VPS13B: variants seen among roughly 807,000 people sequenced by gnomAD.
VPS13B encodes the protein vacuolar protein sorting 13 homolog B, also known as intermembrane lipid transfer protein VPS13B.
VPS13B carries 285 observed loss-of-function variants against 426.4 expected under a neutral mutation model. The ratio of observed to expected loss-of-function variants is 0.67; its 90% CI spans 0.61 to 0.74. The LOEUF (loss-of-function observed/expected upper bound fraction) is 0.74. Among genes scored for constraint, VPS13B ranks in the 30% least tolerant of loss-of-function variants. The probability of loss-of-function intolerance (pLI) is 0.00; values close to 1 mark genes in which losing one functional copy is unlikely to be tolerated. For synonymous variants in VPS13B, 1,676 were observed against 1,676.4 expected (o/e 1.00, Z 0.01); for missense variants, 4,537 against 4,782.6 (o/e 0.95, Z 1.51).
chr8:99,371,525 C>A (rs1813178585), intron 19 of VPS13B, among the ~76,000 whole-genome samples: 1 of 152,272 alleles, frequency 6.6e-6, no homozygotes, highest in Admixed American at 6.5e-5. Context: ...AGCGTGATGC[C>A]TCCAGCTTTG....
intron 2 of VPS13B, among the ~76,000 whole-genome samples, chr8:99,028,582 T>C (rs1221485015): frequency 2.9e-4 from 15 of 51,184 alleles, no homozygotes; most frequent in East Asian, 7.0e-4. Context: ...CTGACCCCCC[T>C]CCCCCCTCCC....
chr8:99,662,606 C>A (rs1004744635), intron 35 of VPS13B, among the ~76,000 whole-genome samples: 1 of 152,072 alleles, frequency 6.6e-6, no homozygotes, highest in Non-Finnish European at 1.5e-5. Flanking sequence ...GCCACCACGC[C>A]CAACTAGTTT....
intron 19 of VPS13B, among the ~76,000 whole-genome samples, chr8:99,307,726 TC>T (rs1820719621): frequency 6.6e-6 from 1 of 152,110 alleles, no homozygotes; most frequent in African/African-American, 2.4e-5. Flanking sequence ...CTTTTGTTGA[TC>T]CCTTTTTCAT....
intron 2 of VPS13B, among the ~76,000 whole-genome samples, chr8:99,036,040 T>G (rs1008391727): frequency 2.0e-5 from 3 of 152,170 alleles, no homozygotes; most frequent in Non-Finnish European, 4.4e-5. Flanking sequence ...TGTTTATATA[T>G]TCTAGATATT....
At chr8:99,814,292 T>C (rs16897735) in intron 44 of VPS13B, among the ~76,000 whole-genome samples, 2,198 of 152,342 alleles carry the variant, frequency 0.014, 63 homozygotes, top group African/African-American at 0.051. Context: ...AGTTACAAAA[T>C]ATGCTTGTTA....
chr8:99,615,366 C>T (rs1230701213), intron 33 of VPS13B, among the ~76,000 whole-genome samples: 1 of 152,104 alleles, frequency 6.6e-6, no homozygotes, highest in Non-Finnish European at 1.5e-5. Context: ...TTCTGTGATT[C>T]CTCTGAGCCT....
intron 33 of VPS13B, among the ~76,000 whole-genome samples, chr8:99,605,554 A>G (rs894853433): frequency 2.6e-5 from 4 of 152,332 alleles, no homozygotes; most frequent in Admixed American, 2.0e-4. Context: ...TTAGTTCTAA[A>G]ATATTTTCTG....
At chr8:99,808,315 C>T (rs1451563746) in intron 43 of VPS13B, among the ~76,000 whole-genome samples, 1 of 151,988 alleles carries the variant, frequency 6.6e-6, no homozygotes, top group Non-Finnish European at 1.5e-5. Flanking sequence ...GTCAAGAGAT[C>T]GAGACCAGCC....
chr8:99,625,779 G>A lies in VPS13B; in HGVS notation c.5221-16032G>A, dbSNP rs1417570067. Among the ~76,000 whole-genome samples, 6 of 152,176 alleles carry A rather than the reference G, an allele frequency of 3.9e-5. No individual in the cohort carries two copies. In the East Asian group the frequency reaches 7.7e-4, roughly 20 times the overall value. ...GAGGATCACCTGAGCCCAGGAAGCC[G>A]AGGCTGCAGTGAGCTATGGTCACGC... is the stretch of plus-strand genomic sequence containing the variant. On this transcript the variant is annotated intron_variant, in intron 33 of 61. Coordinates refer to ENST00000357162, the MANE Select transcript of VPS13B (RefSeq NM_152564.5).
chr8:99,459,858 T>C (rs1378218373), intron 23 of VPS13B, among the ~76,000 whole-genome samples: 1 of 152,186 alleles, frequency 6.6e-6, no homozygotes, highest in African/African-American at 2.4e-5. Flanking sequence ...TATTATGCAA[T>C]ATCTGTCTCT....
intron 35 of VPS13B, among the ~76,000 whole-genome samples, chr8:99,671,879 A>G (rs1255816176): frequency 1.3e-5 from 2 of 152,104 alleles, no homozygotes; most frequent in Non-Finnish European, 2.9e-5. Context: ...TATTGAAGAG[A>G]CCATCCTTTC....
intron 19 of VPS13B, among the ~76,000 whole-genome samples, chr8:99,356,659 A>T (rs1357367259): frequency 2.0e-5 from 3 of 152,166 alleles, no homozygotes; most frequent in Non-Finnish European, 4.4e-5. Context: ...ACAAACAAAC[A>T]AACAAGTATC....
At chr8:99,150,304 C>T (rs766467137) in intron 14 of VPS13B, among the ~76,000 whole-genome samples, 4 of 152,024 alleles carry the variant, frequency 2.6e-5, no homozygotes, top group Non-Finnish European at 5.9e-5. Flanking sequence ...TAAACTGACT[C>T]CCCCCACGTA....
chr8:99,555,060 C>T lies in VPS13B; in HGVS notation c.4746-1390C>T, dbSNP rs531801921. On this transcript the variant is annotated intron_variant, in intron 30 of 61. Coordinates refer to ENST00000357162, the MANE Select transcript of VPS13B (RefSeq NM_152564.5). ...GCTTGTTGACCAGTGGCTGTTTGTT[C>T]CCCTTTTCCCGTGTTCATAACTCTT... Among the ~76,000 whole-genome samples, 20 of 152,224 alleles carry T rather than the reference C, an allele frequency of 1.3e-4. No homozygotes were observed. The East Asian group carries it at 3.9e-3, about 29-fold the overall frequency.
intron 43 of VPS13B, among the ~76,000 whole-genome samples, chr8:99,803,829 A>T (rs997501369): frequency 1.3e-5 from 2 of 152,150 alleles, no homozygotes; most frequent in Non-Finnish European, 2.9e-5. Context: ...TTTCGATTCA[A>T]TTGACTTTCC....
intron 23 of VPS13B, among the ~76,000 whole-genome samples, chr8:99,443,001 AATAT>A (rs1259325381): frequency 1.3e-5 from 2 of 152,142 alleles, no homozygotes; most frequent in African/African-American, 4.8e-5. Flanking sequence ...ATGTATTTTA[AATAT>A]ATAAATAATT....
intron 27 of VPS13B, 43 bp downstream of exon 27, chr8:99,502,993 T>C (rs202198945): frequency 7.0e-7 from 1 of 1,428,178 alleles, no homozygotes; most frequent in Non-Finnish European, 9.8e-7. Flanking sequence ...GTATTTTTCT[T>C]TGAACAAAGT....
intron 30 of VPS13B, among the ~76,000 whole-genome samples, chr8:99,523,533 CTGTGTTTGTT>C (rs1396635813): frequency 2.6e-5 from 4 of 152,194 alleles, no homozygotes; most frequent in Non-Finnish European, 4.4e-5. Context: ...TCAGCACAGG[CTGTGTTTGTT>C]TGGGAGAAAG....
intron 33 of VPS13B, among the ~76,000 whole-genome samples, chr8:99,586,690 C>T (rs1826314975): frequency 1.3e-5 from 2 of 152,084 alleles, no homozygotes; most frequent in Non-Finnish European, 2.9e-5. Flanking sequence ...AAGTGCTTTA[C>T]AACAAATGAA....
Sources: allele counts gnomAD v4.1 joint callset (sites outside exome capture counted in the v4.1 genomes callset), GRCh38; gene constraint gnomAD v4.1.1; transcripts MANE v1.5; gene names NCBI Gene and HGNC (gene_info 2026-07-23, HGNC 2026-07-21).